The following NPM1 variants were observed in gnomAD, a reference collection of about 807,000 sequenced individuals.
The protein encoded by NPM1 is nucleophosmin 1.
A neutral mutation model predicts 44.1 loss-of-function variants in NPM1; 1 was observed. That is an observed-to-expected ratio of 0.02 (90% CI 0.01 to 0.11). The LOEUF is 0.11. NPM1 is among the 10% of genes least tolerant of loss of function. The pLI is 1.00. For missense variants in NPM1, 197 were observed against 347.8 expected (o/e 0.57, Z 3.45); for synonymous variants, 126 against 111.8 (o/e 1.13, Z -0.80).
intron 10 of NPM1, among the ~76,000 whole-genome samples, chr5:171,409,587 C>T (rs1771724785): frequency 6.6e-6 from 1 of 152,168 alleles, no homozygotes; most frequent in Non-Finnish European, 1.5e-5. Flanking sequence ...ATTCGGTATT[C>T]AGTTACCTTG....
In NPM1 at chr5:171,388,097, T is replaced by G. The variant is rs1581234578; in HGVS notation, c.58+91T>G. On this transcript the variant is annotated intron_variant, in intron 1 of 10. Transcript: ENST00000296930. ...GGGCGGGAATCCGGCTGCAACCGGG[T>G]CTGGTGGAGACCGCCAGACCGACGG... is the stretch of plus-strand genomic sequence containing the variant. 3.6e-6 allele frequency: 4 copies of G among 1,121,676 alleles called. No homozygotes were observed. In the African/African-American group the frequency reaches 4.7e-5, roughly 13 times the overall value. 69.5% of individuals were successfully genotyped at this position (1,121,676 alleles called of 1,614,324 possible).
intron 2 of NPM1, 32 bp downstream of exon 2, chr5:171,390,162 C>G (rs975220248): frequency 2.4e-6 from 3 of 1,251,136 alleles, no homozygotes; most frequent in Admixed American, 2.5e-5. Context: ...ACTACTTAAC[C>G]CTACTTGATT....
In NPM1 at chr5:171,402,053, CT is replaced by C. The variant is rs34648553; in HGVS notation, c.669+1144del. 6.9e-3 allele frequency among the ~76,000 whole-genome samples: 925 copies of C among 133,560 alleles called. 5 individuals carry two copies. Among genetic ancestry groups the C allele is most frequent in the South Asian group, 0.01 (42 of 4,088 alleles). 87.6% of individuals were successfully genotyped at this position (133,560 alleles called of 152,430 possible). On this transcript the variant is annotated intron_variant, in intron 8 of 10. Coordinates refer to ENST00000296930, the MANE Select transcript of NPM1 (RefSeq NM_002520.7). The stretch of plus-strand genomic sequence containing the variant: ...TTATTCTTAGGGATTTTCTGATTTC[CT>C]TTTTTTTTTTTTTTTAACCTGATGA...
Position 171,401,527 on chromosome 5 carries a change from C to A in NPM1, c.669+602C>A, listed in dbSNP as rs551828921. 3.9e-5 allele frequency among the ~76,000 whole-genome samples: 6 copies of A among 152,226 alleles called. No individual in the cohort carries two copies. In the East Asian group the frequency reaches 1.2e-3, roughly 29 times the overall value. The stretch of plus-strand genomic sequence containing the variant: ...TCTCGGCTTACTGCAACCTTCACTT[C>A]CCGGGTTCAAGCGATTCTCCTGCCT... On this transcript the variant is annotated intron_variant, in intron 8 of 10. Coordinates refer to ENST00000296930, the MANE Select transcript of NPM1 (RefSeq NM_002520.7).
intron 8 of NPM1, among the ~76,000 whole-genome samples, chr5:171,401,362 A>C (rs1172645730): frequency 1.3e-5 from 2 of 151,824 alleles, no homozygotes; most frequent in Non-Finnish European, 2.9e-5. Context: ...AAAAAAAAAA[A>C]TCAGCTTGTT....
chr5:171,395,670 C>T (rs17680871), intron 6 of NPM1, among the ~76,000 whole-genome samples: 5,495 of 152,232 alleles, frequency 0.036, 174 homozygotes, highest in Admixed American at 0.1. Context: ...GGTGAGATGG[C>T]AAGGGCCCAG....
chr5:171,395,137 G>A (rs913412536), intron 6 of NPM1, among the ~76,000 whole-genome samples: 1 of 152,048 alleles, frequency 6.6e-6, no homozygotes, highest in Non-Finnish European at 1.5e-5. Context: ...CCAAGAATGC[G>A]CCACCGTGTT....
chr5:171,388,597 G>A (rs1770401573), intron 1 of NPM1, among the ~76,000 whole-genome samples: 1 of 152,002 alleles, frequency 6.6e-6, no homozygotes, highest in African/African-American at 2.4e-5. Context: ...CGTGGTTGGG[G>A]GAGGGAGGGG....
At chr5:171,404,730 G>C (rs1581256837) in intron 8 of NPM1, among the ~76,000 whole-genome samples, 1 of 144,874 alleles carries the variant, frequency 6.9e-6, no homozygotes, top group African/African-American at 2.6e-5. Flanking sequence ...TTCCCAGACG[G>C]GGTGGCGGCC....
chr5:171,402,989 ATTTT>A (rs1353006369), intron 8 of NPM1, among the ~76,000 whole-genome samples: 1 of 63,824 alleles, frequency 1.6e-5, no homozygotes, highest in Non-Finnish European at 3.3e-5. Context: ...TTATTTATTT[ATTTT>A]TTATTTTTAT....
chr5:171,393,778 C>T (rs1237264503), intron 6 of NPM1, among the ~76,000 whole-genome samples: 1 of 152,122 alleles, frequency 6.6e-6, no homozygotes, highest in Non-Finnish European at 1.5e-5. Context: ...TCTTCAAAAT[C>T]TTTGAGCATG....
chr5:171,397,939 C>A (rs1043508092), intron 6 of NPM1, among the ~76,000 whole-genome samples: 1 of 150,942 alleles, frequency 6.6e-6, no homozygotes, highest in East Asian at 2.0e-4. Context: ...ACAGGCACCC[C>A]CCCCACCACG....
chr5:171,410,536 G>C lies in NPM1; in HGVS notation c.856G>C (p.Asp286His). Reference protein sequence around the residue: ...FRMTDQEAIQDLWQWRKSL With the variant: ...FRMTDQEAIQHLWQWRKSL The stretch of plus-strand genomic sequence containing the variant: ...TTTTTTTTTTTTCCAGGCTATTCAA[G>C]ATCTCTGGCAGTGGAGGAAGTCTCT... Residue 286 changes from aspartate to histidine, a missense_variant, in exon 11 of 11, where the codon GAT (aspartate) becomes CAT (histidine). This residue lies in a region of NPM1 where 47 missense variants were observed against 106.5 expected (regional missense o/e 0.44). Transcript: ENST00000296930. 2 of 1,539,374 alleles carry C rather than the reference G, an allele frequency of 1.3e-6. No individual in the cohort carries two copies. The highest frequency in any genetic ancestry group is 1.2e-5 in the South Asian group (1 of 83,542).
At chr5:171,393,932 A>G (rs1770726284) in intron 6 of NPM1, among the ~76,000 whole-genome samples, 1 of 152,234 alleles carries the variant, frequency 6.6e-6, no homozygotes, top group Admixed American at 6.5e-5. Flanking sequence ...CGGTCAAAAT[A>G]GCAAGACCCA....
intron 8 of NPM1, among the ~76,000 whole-genome samples, chr5:171,402,053 C>T (rs372356023): frequency 3.0e-5 from 4 of 133,630 alleles, no homozygotes; most frequent in South Asian, 2.4e-4. Context: ...TTCTGATTTC[C>T]TTTTTTTTTT....
chr5:171,390,174 C>T, intron 2 of NPM1, 44 bp downstream of exon 2: 1 of 1,164,250 alleles, frequency 8.6e-7, no homozygotes, highest in Non-Finnish European at 1.2e-6. Flanking sequence ...TACTTGATTT[C>T]AGCCTTTTAG....
intron 6 of NPM1, among the ~76,000 whole-genome samples, chr5:171,393,618 C>G (rs1770711013): frequency 7.3e-6 from 1 of 137,294 alleles, no homozygotes; most frequent in Non-Finnish European, 1.7e-5. Context: ...ACCAGTAATG[C>G]ATTGAATACT....
intron 10 of NPM1, among the ~76,000 whole-genome samples, chr5:171,409,771 TG>T (rs1031912131): frequency 6.6e-6 from 1 of 152,078 alleles, no homozygotes; most frequent in African/African-American, 2.4e-5. Context: ...CCTCTTAAAG[TG>T]CTGGGATTAC....
At chr5:171,398,777 CAAA>C (rs1191808038) in intron 6 of NPM1, among the ~76,000 whole-genome samples, 2 of 152,024 alleles carry the variant, frequency 1.3e-5, no homozygotes, top group Non-Finnish European at 2.9e-5. Context: ...CCTCAAAAAA[CAAA>C]AAAATCACTG....
Sources: gnomAD v4.1 joint callset for allele counts (sites outside exome capture counted in the v4.1 genomes callset) on GRCh38, gnomAD v4.1.1 for gene constraint, gnomAD v4.1.1 regional missense constraint, MANE v1.5 for transcripts, NCBI Gene and HGNC (gene_info 2026-07-23, HGNC 2026-07-21) for gene names.